DIP2B: variants seen among roughly 807,000 people sequenced by gnomAD.
DIP2B encodes the protein DIP2 acetate--CoA ligase B (putative), also known as disco-interacting protein 2 homolog B.
DIP2B carries 76 observed loss-of-function variants against 198.0 expected under a neutral mutation model. That is an observed-to-expected ratio of 0.38 (90% confidence interval 0.32 to 0.46). The LOEUF (loss-of-function observed/expected upper bound fraction) is 0.46. Among genes scored for constraint, DIP2B ranks in the 20% least tolerant of loss-of-function variants. The pLI is 0.99. For synonymous variants in DIP2B, 701 were observed against 739.1 expected (o/e 0.95, Z 0.84); for missense variants, 1,559 against 1,978.4 (o/e 0.79, Z 4.02).
chr12:50,629,026 G>T (rs968933191), intron 2 of DIP2B, among the ~76,000 whole-genome samples: 1 of 152,094 alleles, frequency 6.6e-6, no homozygotes, highest in Non-Finnish European at 1.5e-5. Context: ...CTACAGGCAT[G>T]AGCTCCCACA....
intron 3 of DIP2B, 104 bp downstream of exon 3, chr12:50,640,956 G>A (rs1938246830): frequency 2.2e-6 from 3 of 1,376,094 alleles, no homozygotes; most frequent in Non-Finnish European, 2.9e-6. Context: ...TCCCTATGAG[G>A]CACCAACAGT....
chr12:50,620,173 T>C (rs1419896148), intron 1 of DIP2B, among the ~76,000 whole-genome samples: 1 of 152,190 alleles, frequency 6.6e-6, no homozygotes, highest in Non-Finnish European at 1.5e-5. Context: ...ACCTGACTGG[T>C]GTAAATACAC....
At chr12:50,562,287 T>G (rs968303464) in intron 1 of DIP2B, among the ~76,000 whole-genome samples, 1 of 152,074 alleles carries the variant, frequency 6.6e-6, no homozygotes, top group African/African-American at 2.4e-5. Flanking sequence ...TGAGGGAGTG[T>G]GTATGGTAAT....
chr12:50,506,488 A>G (rs1008174113), intron 1 of DIP2B, among the ~76,000 whole-genome samples: 2 of 152,232 alleles, frequency 1.3e-5, no homozygotes, highest in African/African-American at 4.8e-5. Flanking sequence ...GAAGGAAATA[A>G]TTATTTTTAA....
intron 25 of DIP2B, 70 bp downstream of exon 25, chr12:50,719,105 T>G: frequency 2.7e-6 from 4 of 1,497,458 alleles, no homozygotes; most frequent in Non-Finnish European, 3.6e-6. Context: ...TCTTGATCTC[T>G]TTCTTTCATC....
chr12:50,686,078 T>G, intron 11 of DIP2B, 122 bp downstream of exon 11: 1 of 1,050,420 alleles, frequency 9.5e-7, no homozygotes, highest in East Asian at 2.9e-5. Context: ...CATAGTCTTA[T>G]GAAGTAGGTA....
chr12:50,522,354 A>G (rs1026012747), intron 1 of DIP2B, among the ~76,000 whole-genome samples: 9 of 152,228 alleles, frequency 5.9e-5, no homozygotes, highest in African/African-American at 1.9e-4. Context: ...ATAATTATTT[A>G]TCTGGTTATT....
At chr12:50,642,616 T>C (rs754130713) in intron 3 of DIP2B, among the ~76,000 whole-genome samples, 1 of 152,044 alleles carries the variant, frequency 6.6e-6, no homozygotes, top group African/African-American at 2.4e-5. Flanking sequence ...TGAAACCCCA[T>C]CTCTATTAAA....
chr12:50,690,232 G>A (rs1451868464), intron 12 of DIP2B, among the ~76,000 whole-genome samples: 4 of 151,700 alleles, frequency 2.6e-5, no homozygotes, highest in Admixed American at 6.6e-5. Flanking sequence ...GACTACAGGC[G>A]CCCGCCACTA....
chr12:50,704,637 G>A (rs1469284911), intron 20 of DIP2B, among the ~76,000 whole-genome samples: 1 of 152,198 alleles, frequency 6.6e-6, no homozygotes, highest in Non-Finnish European at 1.5e-5. Context: ...TAAATGATTG[G>A]CACTATGTGA....
rs1460210697 is a variant in DIP2B, at chr12:50,540,479, T to A, written c.100+35239T>A. 2.0e-5 allele frequency among the ~76,000 whole-genome samples: 3 copies of A among 151,182 alleles called. No homozygotes were observed. The East Asian group carries it at 5.9e-4, about 30-fold the overall frequency. On this transcript the variant is annotated intron_variant, in intron 1 of 37. Coordinates refer to ENST00000301180, the MANE Select transcript of DIP2B (RefSeq NM_173602.3). ...ACATCTTCAGTCATAGATTTTCAGA[T>A]GCCTATATAGCAGTCTCAAATGAGG...
chr12:50,666,020 C>T (rs1938746218), intron 4 of DIP2B, among the ~76,000 whole-genome samples: 3 of 152,228 alleles, frequency 2.0e-5, no homozygotes, highest in Admixed American at 1.3e-4. Context: ...AATCAGACCT[C>T]CATAATAAAT....
At position 50,716,958 on chromosome 12, in the gene DIP2B, C is replaced by CTTT. The variant is rs4026694; in HGVS notation, c.2852-1730_2852-1728dup. 2.9e-3 allele frequency among the ~76,000 whole-genome samples: 170 copies of CTTT among 58,918 alleles called. 34 individuals carry two copies. Among genetic ancestry groups the CTTT allele is most frequent in the African/African-American group, 7.9e-3 (128 of 16,224 alleles). 38.7% of individuals were successfully genotyped at this position (58,918 alleles called of 152,430 possible). On this transcript the variant is annotated intron_variant, in intron 23 of 37. Transcript: ENST00000301180. ...CCTATCCTAGATTTACGAATTGTTG[C>CTTT]TTTTTTTTTTTTTTTTTTTTTTTGA...
intron 4 of DIP2B, among the ~76,000 whole-genome samples, chr12:50,667,303 G>A (rs1052722968): frequency 1.3e-5 from 2 of 152,146 alleles, no homozygotes; most frequent in African/African-American, 4.8e-5. Flanking sequence ...TTTCAGAATT[G>A]TTTTCTGTTG....
intron 1 of DIP2B, among the ~76,000 whole-genome samples, chr12:50,614,643 C>T (rs1179738836): frequency 6.6e-6 from 1 of 152,126 alleles, no homozygotes; most frequent in Non-Finnish European, 1.5e-5. Context: ...GACTGAGGCC[C>T]AGAGACGTAT....
At chr12:50,609,923 G>A (rs1959017159) in intron 1 of DIP2B, among the ~76,000 whole-genome samples, 1 of 152,140 alleles carries the variant, frequency 6.6e-6, no homozygotes, top group Non-Finnish European at 1.5e-5. Flanking sequence ...TGAGAAAACT[G>A]CATTACAAGA....
intron 32 of DIP2B, among the ~76,000 whole-genome samples, chr12:50,733,855 C>G (rs1200487767): frequency 1.3e-5 from 2 of 152,236 alleles, no homozygotes; most frequent in Non-Finnish European, 2.9e-5. Context: ...AGCCCTCTTG[C>G]TGTCACTGTG....
intron 1 of DIP2B, among the ~76,000 whole-genome samples, chr12:50,595,357 G>A (rs913457754): frequency 6.6e-6 from 1 of 151,998 alleles, no homozygotes; most frequent in Admixed American, 6.6e-5. Context: ...TGTCACCAGG[G>A]CTAGAGAGCA....
intron 26 of DIP2B, among the ~76,000 whole-genome samples, chr12:50,721,895 C>T (rs1408040562): frequency 6.6e-6 from 1 of 151,926 alleles, no homozygotes. Context: ...GGTGAGGAAG[C>T]CCTGAGCTTT....
Sources: gnomAD v4.1 joint callset for allele counts (sites outside exome capture counted in the v4.1 genomes callset) on GRCh38, gnomAD v4.1.1 for gene constraint, MANE v1.5 for transcripts, NCBI Gene and HGNC (gene_info 2026-07-23, HGNC 2026-07-21) for gene names.